STPG2: variants seen among roughly 807,000 people sequenced by gnomAD.
STPG2 encodes the protein sperm-tail PG-rich repeat-containing protein 2.
Under a neutral mutation model 54.2 loss-of-function variants are expected in STPG2, and 56 were observed. The ratio of observed to expected loss-of-function variants is 1.03; its 90% confidence interval spans 0.83 to 1.29. The LOEUF (loss-of-function observed/expected upper bound fraction) is 1.29, where lower values mean the gene tolerates loss of function less well. Among genes scored for constraint, STPG2 ranks in the 50% most tolerant of loss-of-function variants. The pLI is 0.00. For synonymous variants in STPG2, 200 were observed against 181.8 expected, an observed-to-expected ratio of 1.10 and a Z score of -0.81; for missense variants, 596 against 544.9, an observed-to-expected ratio of 1.09 and a Z score of -0.93.
At chr4:97,820,431 T>G (rs1728048908) in intron 9 of STPG2, among the ~76,000 whole-genome samples, 1 of 152,086 alleles carries the variant, frequency 6.6e-6, no homozygotes, top group African/African-American at 2.4e-5. Flanking sequence ...GTGATTAAGT[T>G]CAGTGAGGAA....
intron 4 of STPG2, among the ~76,000 whole-genome samples, chr4:97,450,655 G>C (rs1729343078): frequency 6.6e-6 from 1 of 152,136 alleles, no homozygotes; most frequent in Non-Finnish European, 1.5e-5. Context: ...GTAACTGAAA[G>C]TAGGCTAATA....
At chr4:97,530,283 A>T (rs921141975) in intron 4 of STPG2, among the ~76,000 whole-genome samples, 2 of 152,160 alleles carry the variant, frequency 1.3e-5, no homozygotes, top group Admixed American at 1.3e-4. Context: ...TTATTTTGTG[A>T]CATTGTTATT....
chr4:97,573,264 A>T (rs1161711031), intron 10 of STPG2, among the ~76,000 whole-genome samples: 1 of 152,108 alleles, frequency 6.6e-6, no homozygotes, highest in African/African-American at 2.4e-5. Flanking sequence ...TGATAAAATG[A>T]AAATTGTTAT....
intron 10 of STPG2, among the ~76,000 whole-genome samples, chr4:97,665,025 C>CCTGTGAGGCTGTGG (rs1366281237): frequency 6.6e-6 from 1 of 152,040 alleles, no homozygotes; most frequent in African/African-American, 2.4e-5. Flanking sequence ...GTGGCTGGAC[C>CCTGTGAGGCTGTGG]AGGTGTACTG....
intron 8 of STPG2, among the ~76,000 whole-genome samples, chr4:97,905,503 T>C (rs930551662): frequency 2.6e-5 from 4 of 151,908 alleles, no homozygotes; most frequent in African/African-American, 9.7e-5. Context: ...TGCAAAATCA[T>C]GCCAAAATGT....
chr4:97,444,420 T>C (rs1277642844), intron 4 of STPG2, among the ~76,000 whole-genome samples: 1 of 152,114 alleles, frequency 6.6e-6, no homozygotes, highest in African/African-American at 2.4e-5. Context: ...TAAAAGACAT[T>C]ACCTTCAAAG....
chr4:97,958,452 G>A (rs1733768242), intron 7 of STPG2, among the ~76,000 whole-genome samples: 1 of 152,170 alleles, frequency 6.6e-6, no homozygotes, highest in East Asian at 1.9e-4. Context: ...AATTGCAGAA[G>A]GAATAAGAAT....
intron 10 of STPG2, among the ~76,000 whole-genome samples, chr4:97,575,078 T>C (rs1273990658): frequency 6.6e-6 from 1 of 151,852 alleles, no homozygotes; most frequent in East Asian, 1.9e-4. Flanking sequence ...CTCCCCAGAT[T>C]GAATCACGAA....
chr4:97,867,360 G>C (rs926299885), intron 8 of STPG2, among the ~76,000 whole-genome samples: 1 of 151,608 alleles, frequency 6.6e-6, no homozygotes, highest in Non-Finnish European at 1.5e-5. Flanking sequence ...CATTTATATT[G>C]GAAAAATGTC....
chr4:97,991,115 CTT>C (rs1285587731), intron 5 of STPG2, among the ~76,000 whole-genome samples: 1 of 151,920 alleles, frequency 6.6e-6, no homozygotes, highest in Admixed American at 6.6e-5. Flanking sequence ...ATTCTTATGC[CTT>C]TGAGTCCTCA....
At chr4:98,091,822 T>A (rs1738701886) in intron 5 of STPG2, among the ~76,000 whole-genome samples, 1 of 152,018 alleles carries the variant, frequency 6.6e-6, no homozygotes, top group Admixed American at 6.6e-5. Context: ...TTTTGTAGAG[T>A]ATTATTATTC....
At chr4:97,530,963 A>G (rs778258160) in intron 4 of STPG2, among the ~76,000 whole-genome samples, 1 of 152,168 alleles carries the variant, frequency 6.6e-6, no homozygotes, top group Non-Finnish European at 1.5e-5. Flanking sequence ...CATTCCATTG[A>G]CTGGATTAAT....
At chr4:97,694,151 A>C (rs540224209) in intron 10 of STPG2, among the ~76,000 whole-genome samples, 4 of 152,292 alleles carry the variant, frequency 2.6e-5, no homozygotes, top group Non-Finnish European at 4.4e-5. Context: ...AGAAGAAACG[A>C]AAAAACAAAA....
At chr4:98,002,856 AG>A (rs1735454084) in intron 5 of STPG2, among the ~76,000 whole-genome samples, 1 of 152,118 alleles carries the variant, frequency 6.6e-6, no homozygotes, top group Non-Finnish European at 1.5e-5. Flanking sequence ...CATCAATTTA[AG>A]TACTTTTTAA....
chr4:97,621,069 T>C (rs950647900), intron 10 of STPG2, among the ~76,000 whole-genome samples: 4 of 151,948 alleles, frequency 2.6e-5, no homozygotes, highest in Non-Finnish European at 5.9e-5. Context: ...AAGACAGAAA[T>C]CCAGAAACTC....
At chr4:97,854,832 A>G (rs1452914213) in intron 8 of STPG2, among the ~76,000 whole-genome samples, 1 of 152,116 alleles carries the variant, frequency 6.6e-6, no homozygotes, top group East Asian at 1.9e-4. Context: ...TTTGCTGAAC[A>G]GATCATCCCA....
intron 10 of STPG2, among the ~76,000 whole-genome samples, chr4:97,649,926 T>C (rs2148952388): frequency 6.6e-6 from 1 of 152,236 alleles, no homozygotes; most frequent in Non-Finnish European, 1.5e-5. Flanking sequence ...ATTATACAAC[T>C]TACCATAATG....
rs577040806 is a variant in STPG2, at chr4:97,541,269, A to G, written c.462+171430T>C. On this transcript the variant is annotated intron_variant, in intron 4 of 4. Coordinates refer to the STPG2 transcript ENST00000522676. ...CTTAAGCTGATAAGCAACTTCAGCA[A>G]AGTCTCAGGATACAAAATCAATGTG... Among the ~76,000 whole-genome samples, 15 of 152,276 alleles carry G rather than the reference A, an allele frequency of 9.9e-5. No homozygotes were observed. The South Asian group carries it at 3.1e-3, about 32-fold the overall frequency.
intron 5 of STPG2, among the ~76,000 whole-genome samples, chr4:98,026,809 C>A (rs1019714518): frequency 6.6e-6 from 1 of 152,168 alleles, no homozygotes; most frequent in Non-Finnish European, 1.5e-5. Context: ...CTTTCTCATT[C>A]TCTTTACCCA....
Sources: gnomAD v4.1 joint callset for allele counts (sites outside exome capture counted in the v4.1 genomes callset) on GRCh38, gnomAD v4.1.1 for gene constraint, MANE v1.5 for transcripts, NCBI Gene and HGNC (gene_info 2026-07-23, HGNC 2026-07-21) for gene names.